ZFTRAF1: variants seen among roughly 807,000 people sequenced by gnomAD.
ZFTRAF1 encodes the protein zinc finger TRAF-type-containing protein 1.
the ZFTRAF1 span, among the ~76,000 whole-genome samples, chr8:144,462,082 A>T: frequency 6.6e-6 from 1 of 152,298 alleles, no homozygotes; most frequent in Admixed American, 6.5e-5. Flanking sequence ...CGGAAAATAA[A>T]GCCCTGAGAG....
chr8:144,450,468 G>T, the ZFTRAF1 span: 2 of 718,258 alleles, frequency 2.8e-6, no homozygotes, highest in African/African-American at 3.5e-5. Context: ...ATGATGGGCA[G>T]TGGCACGTAG....
the ZFTRAF1 span, among the ~76,000 whole-genome samples, chr8:144,459,260 C>T: frequency 2.0e-5 from 3 of 152,348 alleles, no homozygotes; most frequent in Admixed American, 6.5e-5. Flanking sequence ...ACCACCTGCG[C>T]GGCCTGGTCA....
At chr8:144,453,669 G>A in the ZFTRAF1 span, 5 of 570,188 alleles carry the variant, frequency 8.8e-6, no homozygotes, top group Non-Finnish European at 1.3e-5. Context: ...GGTTCTTGCA[G>A]AGATTAGAGG....
At chr8:144,453,700 C>T in the ZFTRAF1 span, 2 of 489,726 alleles carry the variant, frequency 4.1e-6, no homozygotes, top group Non-Finnish European at 7.4e-6. Flanking sequence ...AAGGCCTCAT[C>T]AGCTCACAGA....
the ZFTRAF1 span, chr8:144,451,902 A>G: frequency 8.2e-6 from 2 of 243,682 alleles, no homozygotes; most frequent in Non-Finnish European, 1.7e-5. Context: ...CAGCCTTGAG[A>G]GGCCCATGGC....
At chr8:144,453,364 A>G in the ZFTRAF1 span, 1 of 1,551,164 alleles carries the variant, frequency 6.4e-7, no homozygotes, top group Non-Finnish European at 8.7e-7. Context: ...CTGATCTCAC[A>G]ACGACAATTG....
the ZFTRAF1 span, chr8:144,452,120 G>T: frequency 1.7e-6 from 1 of 576,914 alleles, no homozygotes; most frequent in Non-Finnish European, 3.2e-6. Flanking sequence ...CAGGTGGGCG[G>T]GGCTGCTGTG....
the ZFTRAF1 span, chr8:144,452,267 C>T: frequency 2.2e-6 from 3 of 1,384,976 alleles, no homozygotes; most frequent in South Asian, 1.2e-5. Context: ...CTGTCAGTGC[C>T]CAGTGCCCAG....
chr8:144,457,316 C>T, the ZFTRAF1 span: 2 of 152,220 alleles, frequency 1.3e-5, no homozygotes, highest in Non-Finnish European at 2.9e-5. Context: ...CTTGGGCTCC[C>T]CTCTTGGGGC....
the ZFTRAF1 span, chr8:144,450,204 C>T: frequency 1.5e-5 from 9 of 582,982 alleles, no homozygotes; most frequent in South Asian, 8.1e-5. Context: ...GGGGGTGAGC[C>T]GGAGGCGGGG....
chr8:144,450,950 C>T, the ZFTRAF1 span, among the ~76,000 whole-genome samples: 1 of 152,190 alleles, frequency 6.6e-6, no homozygotes, highest in Non-Finnish European at 1.5e-5. Flanking sequence ...GAGGTGCACA[C>T]AAGCTTTGAG....
the ZFTRAF1 span, chr8:144,452,473 T>C: frequency 6.5e-7 from 1 of 1,548,464 alleles, no homozygotes; most frequent in Non-Finnish European, 8.7e-7. Context: ...TCACTGCCTG[T>C]CTTGGTCGGG....
the ZFTRAF1 span, chr8:144,453,073 C>T: frequency 4.3e-6 from 3 of 705,478 alleles, 1 homozygote; most frequent in South Asian, 5.6e-5. Context: ...CACCCTCCCA[C>T]AGGGCCGTCA....
chr8:144,455,315 A>G, the ZFTRAF1 span: 3 of 152,230 alleles, frequency 2.0e-5, no homozygotes, highest in Non-Finnish European at 4.4e-5. Flanking sequence ...ACTCTATCTC[A>G]TGAATACATA....
At chr8:144,457,330 A>G in the ZFTRAF1 span, 2,308 of 152,308 alleles carry the variant, frequency 0.015, 34 homozygotes, top group Non-Finnish European at 0.022. Flanking sequence ...TTGGGGCCTC[A>G]GTTTCCTCAT....
At chr8:144,459,700 C>A in the ZFTRAF1 span, among the ~76,000 whole-genome samples, 2 of 152,214 alleles carry the variant, frequency 1.3e-5, no homozygotes, top group East Asian at 3.8e-4. Flanking sequence ...ATGGAGTTGT[C>A]CCCCACAGCC....
the ZFTRAF1 span, chr8:144,452,285 T>C: frequency 6.7e-7 from 1 of 1,490,026 alleles, no homozygotes; most frequent in South Asian, 1.2e-5. Context: ...CAGAGCCTGC[T>C]GCCCCCAGAC....
the ZFTRAF1 span, among the ~76,000 whole-genome samples, chr8:144,460,850 C>T: frequency 1.3e-5 from 2 of 152,168 alleles, no homozygotes; most frequent in African/African-American, 4.8e-5. Flanking sequence ...TGGCACTTCA[C>T]TCCAGCCTGG....
At chr8:144,457,589 C>A in the ZFTRAF1 span, 4 of 152,250 alleles carry the variant, frequency 2.6e-5, no homozygotes, top group Admixed American at 6.5e-5. Context: ...AGCCCTCCCC[C>A]CTGCTGGCTA....
Sources: gnomAD v4.1 joint callset for allele counts (sites outside exome capture counted in the v4.1 genomes callset) on GRCh38, gnomAD v4.1.1 for gene constraint, MANE v1.5 for transcripts, NCBI Gene and HGNC (gene_info 2026-07-23, HGNC 2026-07-21) for gene names.